HECW2: variants seen among roughly 807,000 people sequenced by gnomAD.
The protein encoded by HECW2 is E3 ubiquitin-protein ligase HECW2.
A neutral mutation model predicts 175.2 loss-of-function variants in HECW2; 61 were observed. That is an observed-to-expected ratio of 0.35 (90% CI 0.28 to 0.43). HECW2 has a LOEUF of 0.43. HECW2 is among the 20% of genes least tolerant of loss of function. The probability of loss-of-function intolerance (pLI) is 1.00; values close to 1 mark genes in which losing one functional copy is unlikely to be tolerated. For missense variants in HECW2, 1,524 were observed against 2,000.5 expected (o/e 0.76, Z 4.54); for synonymous variants, 671 against 731.0 (o/e 0.92, Z 1.32).
chr2:196,335,940 A>C (rs1411325285), intron 3 of HECW2, among the ~76,000 whole-genome samples: 1 of 152,200 alleles, frequency 6.6e-6, no homozygotes, highest in African/African-American at 2.4e-5. Flanking sequence ...GCATGGCAAA[A>C]TACAAAAGAC....
At chr2:196,576,258 T>TG (rs904981338) in intron 1 of HECW2, among the ~76,000 whole-genome samples, 13 of 152,182 alleles carry the variant, frequency 8.5e-5, no homozygotes, top group African/African-American at 3.1e-4. Flanking sequence ...TCTAAGTTTG[T>TG]GTACATACAT....
chr2:196,458,218 C>T (rs1468072392), intron 1 of HECW2, among the ~76,000 whole-genome samples: 1 of 152,082 alleles, frequency 6.6e-6, no homozygotes, highest in Non-Finnish European at 1.5e-5. Context: ...TGCAGTGAGC[C>T]ATGATTGTGC....
At chr2:196,242,558 A>G in intron 19 of HECW2, 1 of 218,862 alleles carries the variant, frequency 4.6e-6, no homozygotes. Context: ...TTGCTGCTGA[A>G]ATGATATCAT....
Position 196,549,215 on chromosome 2 carries a change from C to A in HECW2, c.-36+44293G>T, listed in dbSNP as rs1419992218. On this transcript the variant is annotated intron_variant, in intron 1 of 28. Coordinates refer to ENST00000644978, the MANE Select transcript of HECW2 (RefSeq NM_001348768.2). ...GCATAACAAATAATTATAAAGGAAACACATGCATAACTGCAATCCAGGTCA... is the reference window on the plus strand; with the variant it reads ...GCATAACAAATAATTATAAAGGAAAAACATGCATAACTGCAATCCAGGTCA... 2.0e-5 allele frequency among the ~76,000 whole-genome samples: 3 copies of A among 152,276 alleles called. No individual in the cohort carries two copies. The East Asian group carries it at 5.8e-4, about 29-fold the overall frequency.
intron 1 of HECW2, among the ~76,000 whole-genome samples, chr2:196,459,321 A>G (rs1431205373): frequency 1.3e-5 from 2 of 152,192 alleles, no homozygotes; most frequent in African/African-American, 4.8e-5. Context: ...AACTCCAATG[A>G]GCCTTAGCAT....
chr2:196,391,955 T>C (rs1641707993), intron 2 of HECW2, among the ~76,000 whole-genome samples: 4 of 152,192 alleles, frequency 2.6e-5, no homozygotes, highest in Admixed American at 2.0e-4. Flanking sequence ...TCCTGTCCTC[T>C]TCTTTTAAGG....
In HECW2 at chr2:196,253,979, T is replaced by C. The variant is rs1244006616; in HGVS notation, c.3470A>G (p.His1157Arg). 6.2e-7 allele frequency: 1 copy of C among 1,613,828 alleles called. No individual in the cohort carries two copies. Among genetic ancestry groups the C allele is most frequent in the Non-Finnish European group, 8.5e-7 (1 of 1,179,912 alleles). Reference protein sequence around the residue: ...MSYVPPHALLHPSYCQSPRGS... With the variant: ...MSYVPPHALLRPSYCQSPRGS... Reference sequence around the variant, plus strand: ...ACGTGGGGACTGACAGTAGCTGGGGTGGAGTAAGGCATGTGGAGGCACATA... The same window carrying C: ...ACGTGGGGACTGACAGTAGCTGGGGCGGAGTAAGGCATGTGGAGGCACATA... Residue 1157 changes from histidine (H) to arginine (R), a missense_variant, in exon 19 of 29, where the codon CAC becomes CGC. His to Arg is a conservative substitution (Grantham distance 29). Around this residue, in one of 11 missense-constraint regions of HECW2, gnomAD observed 291 missense variants for 412.2 expected, o/e 0.71. Transcript: ENST00000644978.
At chr2:196,492,419 G>C (rs187451727) in intron 1 of HECW2, among the ~76,000 whole-genome samples, 114 of 152,298 alleles carry the variant, frequency 7.5e-4, no homozygotes, top group African/African-American at 2.6e-3. Flanking sequence ...AAAATGCCCA[G>C]TGCCATGTGG....
chr2:196,250,996 T>C (rs1422100246), intron 19 of HECW2, among the ~76,000 whole-genome samples: 1 of 152,222 alleles, frequency 6.6e-6, no homozygotes, highest in Non-Finnish European at 1.5e-5. Context: ...ATGTCATGAT[T>C]TTCAAATCTA....
In HECW2 at chr2:196,218,536, G is replaced by A. The variant is rs141487194; in HGVS notation, c.4409-1443C>T. On this transcript the variant is annotated intron_variant, in intron 26 of 28. Coordinates refer to ENST00000644978, the MANE Select transcript of HECW2 (RefSeq NM_001348768.2). ...ATTGCTATTAGAATCTCCTGGGTCC[G>A]GGCGTGGTGGCTTACACATGTAATC... Among the ~76,000 whole-genome samples the A allele has an allele frequency of 3.5e-4, 54 of 152,198 alleles. 2 individuals are homozygous for A. The East Asian group carries it at 9.8e-3, about 28-fold the overall frequency.
At chr2:196,582,643 C>T (rs1690831295) in intron 1 of HECW2, among the ~76,000 whole-genome samples, 2 of 152,138 alleles carry the variant, frequency 1.3e-5, no homozygotes, top group South Asian at 4.1e-4. Flanking sequence ...TGGTGCCCTG[C>T]ACTGAAGAAG....
chr2:196,589,005 C>T (rs1258393269), intron 1 of HECW2, among the ~76,000 whole-genome samples: 1 of 152,098 alleles, frequency 6.6e-6, no homozygotes, highest in Non-Finnish European at 1.5e-5. Context: ...TCAAGACCAG[C>T]CTGGCCAACA....
chr2:196,210,654 C>T (rs1248183900), intron 28 of HECW2, among the ~76,000 whole-genome samples: 1 of 151,952 alleles, frequency 6.6e-6, no homozygotes, highest in African/African-American at 2.4e-5. Flanking sequence ...CACTCTGTCA[C>T]CCAGGCTGGA....
At chr2:196,563,264 C>T (rs1288841960) in intron 1 of HECW2, among the ~76,000 whole-genome samples, 1 of 152,010 alleles carries the variant, frequency 6.6e-6, no homozygotes, top group Admixed American at 6.6e-5. Flanking sequence ...ATCTTAGTCA[C>T]GTAAAAAATA....
In HECW2 at chr2:196,423,850, G is replaced by A. The variant is rs139046694; in HGVS notation, c.292+9282C>T. Among the ~76,000 whole-genome samples the A allele has an allele frequency of 2.8e-4, 42 of 152,018 alleles. No individual in the cohort carries two copies. The Middle Eastern group carries it at 0.017, about 62-fold the overall frequency. ...CTGTATGCTGACTTCATTTCCTTTG[G>A]ATATGTATACCCATAAGTGGGATTG... On this transcript the variant is annotated intron_variant, in intron 2 of 28. Transcript: ENST00000644978.
intron 1 of HECW2, among the ~76,000 whole-genome samples, chr2:196,485,823 A>G (rs918884793): frequency 1.3e-5 from 2 of 152,198 alleles, no homozygotes; most frequent in African/African-American, 4.8e-5. Context: ...GGTAAAGAAG[A>G]AAAATGTGAT....
At chr2:196,255,643 C>T (rs943607152) in intron 18 of HECW2, among the ~76,000 whole-genome samples, 2 of 152,126 alleles carry the variant, frequency 1.3e-5, no homozygotes, top group Non-Finnish European at 2.9e-5. Flanking sequence ...TCAATTTGTA[C>T]CAGGAGTGAT....
chr2:196,286,387 C>CATATATATAT (rs201658582), intron 14 of HECW2, among the ~76,000 whole-genome samples: 7 of 137,702 alleles, frequency 5.1e-5, no homozygotes, highest in South Asian at 2.3e-4. Flanking sequence ...AGATGGAGGT[C>CATATATATAT]ATATATATAT....
At position 196,509,976 on chromosome 2, in the gene HECW2, CTATT is replaced by C. The variant is rs1687889446; in HGVS notation, c.-35-76522_-35-76519del. Among the ~76,000 whole-genome samples, 4 of 152,300 alleles carry C rather than the reference CTATT, an allele frequency of 2.6e-5. No individual in the cohort carries two copies. In the South Asian group the frequency reaches 8.3e-4, roughly 32 times the overall value. ...TACTGTGCTCCACTCAACTCATAAT[CTATT>C]TATTCATTTCTTAAGCCTTGACTAC... On this transcript the variant is annotated intron_variant, in intron 1 of 28. Transcript: ENST00000644978.
Sources: allele counts gnomAD v4.1 joint callset (sites outside exome capture counted in the v4.1 genomes callset), GRCh38; gene constraint gnomAD v4.1.1; regional missense constraint gnomAD v4.1.1; transcripts MANE v1.5; gene names NCBI Gene and HGNC (gene_info 2026-07-23, HGNC 2026-07-21).